Variants in EVC2 observed in about 807,000 individuals in gnomAD.
The protein encoded by EVC2 is EvC ciliary complex subunit 2.
In EVC2, 148 loss-of-function variants were observed where a neutral mutation model predicts 149.3. The observed-to-expected ratio is 0.99, with a 90% CI of 0.87 to 1.14. The LOEUF (loss-of-function observed/expected upper bound fraction) is 1.14, where lower values mean the gene tolerates loss of function less well. Ranked by LOEUF, EVC2 falls within the 50% of genes most tolerant of loss-of-function variation. EVC2 has a pLI of 0.00. For missense variants in EVC2, 1,854 were observed against 1,627.3 expected (o/e 1.14, Z -2.40); for synonymous variants, 776 against 649.9 (o/e 1.19, Z -2.95).
downstream of EVC2, among the ~76,000 whole-genome samples, chr4:5,539,704 G>A (rs797020916): frequency 3.3e-5 from 5 of 152,200 alleles, no homozygotes; most frequent in African/African-American, 1.2e-4. Flanking sequence ...TTCAAAAAAT[G>A]ATGTTGTACA....
chr4:5,605,291 T>G (rs1294524237), intron 16 of EVC2, among the ~76,000 whole-genome samples: 2 of 152,194 alleles, frequency 1.3e-5, no homozygotes, highest in African/African-American at 4.8e-5. Context: ...TGGAGTGTGC[T>G]CTGTCTCTTT....
the EVC2 span, among the ~76,000 whole-genome samples, chr4:5,530,521 C>CCG: frequency 2.2e-5 from 3 of 134,726 alleles, no homozygotes; most frequent in South Asian, 3.1e-4. Context: ...CACACAGTTA[C>CCG]CGCGTGTGTG....
At chr4:5,692,156 T>G (rs2151734652) in intron 3 of EVC2, among the ~76,000 whole-genome samples, 1 of 152,334 alleles carries the variant, frequency 6.6e-6, no homozygotes, top group East Asian at 1.9e-4. Context: ...CAGCTCTCAG[T>G]GATATTCATA....
chr4:5,574,843 T>C (rs1722824656), intron 18 of EVC2, 71 bp from the exon 19 acceptor site: 3 of 1,454,530 alleles, frequency 2.1e-6, no homozygotes, highest in South Asian at 2.3e-5. Flanking sequence ...ATCTAGTTAT[T>C]TAAATAACAA....
intron 16 of EVC2, among the ~76,000 whole-genome samples, chr4:5,586,176 G>T (rs1051338149): frequency 6.6e-6 from 1 of 152,076 alleles, no homozygotes; most frequent in Non-Finnish European, 1.5e-5. Context: ...TAGCTGTTTT[G>T]ACTGAAAATA....
chr4:5,706,337 G>GATAGATAGATAGATAGATAGATAC, intron 1 of EVC2, among the ~76,000 whole-genome samples: 1 of 54,170 alleles, frequency 1.8e-5, no homozygotes, highest in East Asian at 7.5e-4. Context: ...TAGATAGATA[G>GATAGATAGATAGATAGATAGATAC]ATACATAGAT....
intron 1 of EVC2, among the ~76,000 whole-genome samples, chr4:5,704,584 A>G (rs866080454): frequency 4.6e-5 from 7 of 152,214 alleles, no homozygotes; most frequent in South Asian, 2.1e-4. Context: ...GTGAGTACTG[A>G]CAGAAGGAAG....
chr4:5,630,343 T>C (rs1716442094), intron 11 of EVC2, among the ~76,000 whole-genome samples: 1 of 152,168 alleles, frequency 6.6e-6, no homozygotes, highest in Admixed American at 6.5e-5. Context: ...GGGTGAATGC[T>C]GAGGACCTGC....
At chr4:5,591,903 T>G (rs1378746395) in intron 16 of EVC2, among the ~76,000 whole-genome samples, 1 of 152,222 alleles carries the variant, frequency 6.6e-6, no homozygotes, top group Non-Finnish European at 1.5e-5. Context: ...AACGAGAAGT[T>G]CAAACAACTT....
intron 7 of EVC2, among the ~76,000 whole-genome samples, chr4:5,676,996 C>T (rs539783544): frequency 1.7e-4 from 26 of 152,288 alleles, no homozygotes; most frequent in African/African-American, 5.5e-4. Flanking sequence ...CCCCCGTGGG[C>T]ATTGGGGCAT....
chr4:5,585,429 C>G (rs142502565), intron 16 of EVC2, among the ~76,000 whole-genome samples: 52 of 152,342 alleles, frequency 3.4e-4, no homozygotes, highest in African/African-American at 1.2e-3. Flanking sequence ...AGCGGTCTCA[C>G]TTCTCTATGT....
intron 14 of EVC2, among the ~76,000 whole-genome samples, chr4:5,621,635 C>G (rs1266717655): frequency 6.6e-6 from 1 of 152,192 alleles, no homozygotes; most frequent in East Asian, 1.9e-4. Context: ...CCAGCAGGCA[C>G]AAAGAGCTGG....
At position 5,562,916 on chromosome 4, in the gene EVC2, C is replaced by T. The variant is rs771435248; in HGVS notation, c.3859G>A (p.Val1287Ile). ...NPKEPEISLH[V>I]PPRKKKNFLN... ...AAGTTCTTCTTTTTCCTGGGAGGAA[C>T]GTGCAGTGAGATCTCTGGCTCCTTT... The change falls in exon 22 of 22, where the codon GTT (valine) becomes ATT (isoleucine). Residue 1287 changes from valine to isoleucine, a missense_variant. Physicochemically the swap from Val to Ile is conservative, Grantham distance 29. Transcript: ENST00000344408. The surrounding 1 kb of genome is among the most constrained non-coding windows in gnomAD (Gnocchi z 4.3). The T allele has an allele frequency of 5.4e-5, 87 of 1,614,026 alleles. No individual in the cohort carries two copies. In the Middle Eastern group the frequency reaches 3.3e-3, roughly 61 times the overall value.
intron 16 of EVC2, among the ~76,000 whole-genome samples, chr4:5,607,495 A>G (rs1211589139): frequency 6.6e-6 from 1 of 152,190 alleles, no homozygotes; most frequent in African/African-American, 2.4e-5. Context: ...AGGACCAGAC[A>G]TCTGTAGCTG....
downstream of EVC2, among the ~76,000 whole-genome samples, chr4:5,558,568 A>G (rs1200687073): frequency 2.0e-5 from 3 of 152,240 alleles, no homozygotes; most frequent in Non-Finnish European, 4.4e-5. Flanking sequence ...ACTTTATCAT[A>G]TGCAGATTAA....
In EVC2 at chr4:5,568,538, G is replaced by T; in HGVS notation, c.3463C>A (p.Leu1155Met). Residue 1155 changes from leucine to methionine, a missense_variant, in exon 20 of 22, where the codon CTG (leucine) becomes ATG (methionine). Physicochemically the swap from Leu to Met is conservative, Grantham distance 15. Transcript: ENST00000344408. ...GTGGCCGAATCCAGCAGGGCCAGCA[G>T]CTGAGGCTGTGAGGCTGTGGGCAGT... ...VVLPTASQPQ[L>M]LALLDSATER... is the part of the protein sequence containing the mutation. The T allele has an allele frequency of 6.2e-7, 1 of 1,601,572 alleles. No individual in the cohort carries two copies. The highest frequency in any genetic ancestry group is 1.1e-5 in the South Asian group (1 of 88,552).
At position 5,679,296 on chromosome 4, in the gene EVC2, C is replaced by T. The variant is rs1462627612; in HGVS notation, c.870+1964G>A. Among the ~76,000 whole-genome samples, 4 of 152,044 alleles carry T rather than the reference C, an allele frequency of 2.6e-5. No individual in the cohort carries two copies. The highest frequency in any genetic ancestry group is 9.7e-5 in the African/African-American group (4 of 41,418). On this transcript the variant is annotated intron_variant, in intron 7 of 21. Transcript: ENST00000344408. This position sits in a 1 kb window ranked among gnomAD's most constrained non-coding sequence, Gnocchi z 5.1. The stretch of plus-strand genomic sequence containing the variant: ...TGTTAACCAGGCTGGAGTGCAGTGG[C>T]ATGATCTCGGCTCACTGCAACCTCC...
At chr4:5,605,280 C>G (rs1481780644) in intron 16 of EVC2, among the ~76,000 whole-genome samples, 1 of 152,188 alleles carries the variant, frequency 6.6e-6, no homozygotes, top group Non-Finnish European at 1.5e-5. Context: ...CTGCAGATCT[C>G]TGGAGTGTGC....
At chr4:5,649,911 G>T (rs1717991159) in intron 9 of EVC2, among the ~76,000 whole-genome samples, 2 of 152,146 alleles carry the variant, frequency 1.3e-5, no homozygotes. Flanking sequence ...TACCTCCTGA[G>T]TATATTTGCT....
Sources: gnomAD v4.1 joint callset for allele counts (sites outside exome capture counted in the v4.1 genomes callset) on GRCh38, gnomAD v4.1.1 for gene constraint, Gnocchi (gnomAD v3.1) non-coding constraint, MANE v1.5 for transcripts, NCBI Gene and HGNC (gene_info 2026-07-23, HGNC 2026-07-21) for gene names.